The following KHDRBS2 variants were observed in gnomAD, a reference collection of about 807,000 sequenced individuals.
KHDRBS2 encodes the protein KH domain-containing, RNA-binding, signal transduction-associated protein 2.
KHDRBS2 carries 26 observed loss-of-function variants against 44.3 expected under a neutral mutation model. That is an observed-to-expected ratio of 0.59 (90% confidence interval 0.43 to 0.81). The LOEUF is 0.81. Ranked by LOEUF, KHDRBS2 falls within the 40% of genes least tolerant of loss-of-function variation. The pLI is 0.00. For synonymous variants in KHDRBS2, 194 were observed against 151.1 expected, an observed-to-expected ratio of 1.28 and a Z score of -2.08; for missense variants, 476 against 433.1, an observed-to-expected ratio of 1.10 and a Z score of -0.88.
chr6:61,664,988 T>C, the KHDRBS2 span, among the ~76,000 whole-genome samples: 1 of 151,588 alleles, frequency 6.6e-6, no homozygotes, highest in African/African-American at 2.4e-5. Context: ...TTATTTGTAA[T>C]TTAAAAGATA....
chr6:61,563,703 C>A, the KHDRBS2 span, among the ~76,000 whole-genome samples: 1 of 152,152 alleles, frequency 6.6e-6, no homozygotes, highest in East Asian at 1.9e-4. Context: ...CCTGTAGTTG[C>A]ACTTTTTATA....
At chr6:61,701,312 G>A (rs1161969828) in intron 7 of KHDRBS2, among the ~76,000 whole-genome samples, 1 of 151,950 alleles carries the variant, frequency 6.6e-6, no homozygotes, top group Non-Finnish European at 1.5e-5. Flanking sequence ...TCTGATTTCT[G>A]TGTTAGTTCT....
At chr6:61,565,061 T>A in the KHDRBS2 span, among the ~76,000 whole-genome samples, 81 of 152,066 alleles carry the variant, frequency 5.3e-4, 1 homozygote, top group Non-Finnish European at 4.7e-4. Context: ...GAACACACAT[T>A]AAGGGAAGGG....
intron 6 of KHDRBS2, among the ~76,000 whole-genome samples, chr6:61,825,560 G>A (rs1265531714): frequency 6.6e-6 from 1 of 152,148 alleles, no homozygotes; most frequent in Non-Finnish European, 1.5e-5. Flanking sequence ...GTAAATGAAC[G>A]CAGTTAAGAG....
At chr6:61,855,788 A>G (rs1466041850) in intron 6 of KHDRBS2, among the ~76,000 whole-genome samples, 1 of 152,000 alleles carries the variant, frequency 6.6e-6, no homozygotes, top group East Asian at 1.9e-4. Flanking sequence ...TTGGCGGGGC[A>G]GTTCTGAAGC....
intron 3 of KHDRBS2, among the ~76,000 whole-genome samples, chr6:61,980,285 A>T (rs368574788): frequency 6.6e-6 from 1 of 152,168 alleles, no homozygotes; most frequent in East Asian, 1.9e-4. Flanking sequence ...TGAAGAATAT[A>T]TCATAAATTG....
intron 3 of KHDRBS2, among the ~76,000 whole-genome samples, chr6:62,003,845 A>C (rs1179064792): frequency 3.3e-5 from 5 of 152,142 alleles, no homozygotes; most frequent in Non-Finnish European, 7.4e-5. Context: ...TCAAATTAGA[A>C]CTCAGGATTA....
chr6:61,713,009 G>A lies in KHDRBS2; in HGVS notation c.894-15756C>T, dbSNP rs560816053. On this transcript the variant is annotated intron_variant, in intron 7 of 8. Coordinates refer to ENST00000281156, the MANE Select transcript of KHDRBS2 (RefSeq NM_152688.4). ...AAATTCTGACCTAAAGTGATAAAAA[G>A]CTATTTATAATGATTTATATCTTGC... Among the ~76,000 whole-genome samples the A allele has an allele frequency of 9.2e-5, 14 of 151,618 alleles. No homozygotes were observed. In the East Asian group the frequency reaches 2.5e-3, roughly 27 times the overall value.
At chr6:62,078,730 A>C (rs1005921136) in intron 2 of KHDRBS2, among the ~76,000 whole-genome samples, 1 of 152,012 alleles carries the variant, frequency 6.6e-6, no homozygotes, top group Non-Finnish European at 1.5e-5. Flanking sequence ...ATTCTGAAGA[A>C]AATTATACCA....
chr6:61,653,709 C>T, the KHDRBS2 span, among the ~76,000 whole-genome samples: 2 of 151,956 alleles, frequency 1.3e-5, no homozygotes, highest in African/African-American at 4.8e-5. Flanking sequence ...GCTTCCCAGA[C>T]AGTGACTGGG....
intron 6 of KHDRBS2, among the ~76,000 whole-genome samples, chr6:61,740,631 C>T (rs1212169315): frequency 2.6e-5 from 4 of 151,842 alleles, no homozygotes; most frequent in Non-Finnish European, 1.5e-5. Context: ...CTGAATTACC[C>T]ATGACTATTT....
rs764630568 is a variant in KHDRBS2, at chr6:62,285,716, G to A, written c.91+142C>T. 1.8e-4 allele frequency: 107 copies of A among 600,788 alleles called. 2 individuals carry two copies. Among genetic ancestry groups the A allele is most frequent in the South Asian group, 1.5e-3 (72 of 48,874 alleles). 37.2% of individuals were successfully genotyped at this position (600,788 alleles called of 1,614,324 possible). A position where few individuals can be genotyped will look rare whatever the true frequency, so the allele number is the denominator to read the frequency against. On this transcript the variant is annotated intron_variant, in intron 1 of 8. Transcript: ENST00000281156. ...CCCCAAGAACGGGGTCTGTCCGCCC[G>A]AGCTCTAAGGCGAGCATCTTCAGGG...
chr6:61,904,863 A>G (rs1804672544), intron 4 of KHDRBS2, among the ~76,000 whole-genome samples: 1 of 152,158 alleles, frequency 6.6e-6, no homozygotes, highest in African/African-American at 2.4e-5. Context: ...TCCCATTATT[A>G]CATCTGCTTC....
the KHDRBS2 span, among the ~76,000 whole-genome samples, chr6:61,571,248 C>A: frequency 3.3e-5 from 5 of 152,004 alleles, no homozygotes; most frequent in African/African-American, 1.2e-4. Flanking sequence ...CAAATGGAAA[C>A]CTAAAGCATG....
chr6:62,212,233 A>G (rs938865761), intron 1 of KHDRBS2, among the ~76,000 whole-genome samples: 1 of 152,156 alleles, frequency 6.6e-6, no homozygotes, highest in Admixed American at 6.5e-5. Flanking sequence ...GCTATACATA[A>G]TATATGTAAA....
chr6:61,820,485 G>A (rs572600431), intron 6 of KHDRBS2, among the ~76,000 whole-genome samples: 1 of 151,960 alleles, frequency 6.6e-6, no homozygotes, highest in East Asian at 1.9e-4. Flanking sequence ...AGGGCCTGAG[G>A]TTATAGAACA....
chr6:62,231,365 T>C (rs936139483), intron 1 of KHDRBS2, among the ~76,000 whole-genome samples: 6 of 152,124 alleles, frequency 3.9e-5, no homozygotes, highest in African/African-American at 1.4e-4. Flanking sequence ...AGAGAGAAGT[T>C]CGAGCAGGGA....
the KHDRBS2 span, among the ~76,000 whole-genome samples, chr6:61,569,164 C>G: frequency 2.6e-5 from 4 of 152,190 alleles, no homozygotes; most frequent in East Asian, 3.9e-4. Context: ...CAAAGGCAGC[C>G]AAAATCCCCT....
At chr6:62,141,416 C>T (rs1046841207) in intron 2 of KHDRBS2, among the ~76,000 whole-genome samples, 2 of 152,042 alleles carry the variant, frequency 1.3e-5, no homozygotes, top group African/African-American at 2.4e-5. Context: ...AATCATTTGG[C>T]CTTAGATAGG....
Sources: gnomAD v4.1 joint callset for allele counts (sites outside exome capture counted in the v4.1 genomes callset) on GRCh38, gnomAD v4.1.1 for gene constraint, MANE v1.5 for transcripts, NCBI Gene and HGNC (gene_info 2026-07-23, HGNC 2026-07-21) for gene names.